The following CA10 variants were observed in gnomAD, a reference collection of about 807,000 sequenced individuals.
The protein encoded by CA10 is carbonic anhydrase 10 (inactive).
CA10 carries 14 observed loss-of-function variants against 44.2 expected under a neutral mutation model. The ratio of observed to expected loss-of-function variants is 0.32; its 90% CI spans 0.21 to 0.50. The LOEUF (loss-of-function observed/expected upper bound fraction) is 0.50, where lower values mean the gene tolerates loss of function less well. Ranked by LOEUF, CA10 falls within the 20% of genes least tolerant of loss-of-function variation. CA10 has a pLI of 0.99. For synonymous variants in CA10, 159 were observed against 141.6 expected (o/e 1.12, Z -0.87); for missense variants, 350 against 409.7 (o/e 0.85, Z 1.26).
chr17:52,083,001 C>A (rs756016839), intron 1 of CA10, among the ~76,000 whole-genome samples: 1 of 152,236 alleles, frequency 6.6e-6, no homozygotes, highest in African/African-American at 2.4e-5. Flanking sequence ...CCCAAGAGTA[C>A]AAGTCCATGC....
At chr17:52,054,808 C>T (rs1987179219) in intron 2 of CA10, among the ~76,000 whole-genome samples, 2 of 151,812 alleles carry the variant, frequency 1.3e-5, no homozygotes, top group Admixed American at 1.3e-4. Context: ...GAAAAAAAGG[C>T]ATTAAAGACC....
At chr17:51,926,397 A>T (rs1193011380) in intron 3 of CA10, among the ~76,000 whole-genome samples, 1 of 152,234 alleles carries the variant, frequency 6.6e-6, no homozygotes, top group African/African-American at 2.4e-5. Context: ...TGTGGTTAGT[A>T]AACCAGTATA....
rs142964294 is a variant in CA10 at position 52,133,191 on chromosome 17, C to T, written c.61+24535G>A. On this transcript the variant is annotated intron_variant, in intron 1 of 8. Transcript: ENST00000451037. ...GGAACAGGTGACTGACCTTGGGGAA[C>T]GAAAGCCAAGCTGCCATTCATCACA... Among the ~76,000 whole-genome samples, 517 of 152,256 alleles carry T rather than the reference C, an allele frequency of 3.4e-3. 2 individuals are homozygous for T. The highest frequency in any genetic ancestry group is 0.012 in the African/African-American group (485 of 41,560).
At chr17:51,785,721 T>C (rs768338405) in intron 3 of CA10, among the ~76,000 whole-genome samples, 13 of 152,222 alleles carry the variant, frequency 8.5e-5, no homozygotes, top group Non-Finnish European at 2.9e-5. Context: ...AGTAGTATAA[T>C]TTGATGTTAG....
chr17:51,911,134 T>C (rs1052413553), intron 3 of CA10, among the ~76,000 whole-genome samples: 1 of 152,130 alleles, frequency 6.6e-6, no homozygotes, highest in Non-Finnish European at 1.5e-5. Context: ...GCTTTTAATC[T>C]CAGTCAAGAG....
At chr17:52,070,662 G>A (rs1156463584) in intron 2 of CA10, 2 of 152,130 alleles carry the variant, frequency 1.3e-5, no homozygotes, top group African/African-American at 2.4e-5. Context: ...TGAGAGTGAG[G>A]AAAAGTTATT....
At chr17:51,920,691 A>T (rs1982195400) in intron 3 of CA10, among the ~76,000 whole-genome samples, 1 of 152,188 alleles carries the variant, frequency 6.6e-6, no homozygotes, top group Non-Finnish European at 1.5e-5. Context: ...CTCAGCCAAG[A>T]TCTAAACTCA....
rs1268095043 is a variant in CA10 at position 51,717,827 on chromosome 17, G to GTATA, written c.465+29805_465+29806insTATA. Reference sequence around the variant, plus strand: ...TATATATACACGTATATATATGTGTGTGTATATATATATATATATATATAT... The same window carrying GTATA: ...TATATATACACGTATATATATGTGTGTATATGTATATATATATATATATATATAT... On this transcript the variant is annotated intron_variant, in intron 4 of 8. Coordinates refer to ENST00000451037, the MANE Select transcript of CA10 (RefSeq NM_020178.5). Among the ~76,000 whole-genome samples, 31 of 10,336 alleles carry GTATA rather than the reference G, an allele frequency of 3.0e-3. 1 individual carries two copies. Among genetic ancestry groups the GTATA allele is most frequent in the African/African-American group, 0.01 (30 of 2,866 alleles). 6.8% of individuals were successfully genotyped at this position (10,336 alleles called of 152,430 possible).
chr17:51,755,479 G>A (rs1263306142), intron 3 of CA10, among the ~76,000 whole-genome samples: 1 of 152,168 alleles, frequency 6.6e-6, no homozygotes, highest in African/African-American at 2.4e-5. Context: ...GATTATGTGA[G>A]GTTTCCGATA....
At chr17:51,913,747 G>C (rs865936837) in intron 3 of CA10, among the ~76,000 whole-genome samples, 3 of 152,236 alleles carry the variant, frequency 2.0e-5, no homozygotes, top group Non-Finnish European at 4.4e-5. Context: ...GCTGGGGTAA[G>C]CTGGCAGCAA....
At chr17:51,731,439 T>C (rs1232548509) in intron 4 of CA10, among the ~76,000 whole-genome samples, 3 of 152,074 alleles carry the variant, frequency 2.0e-5, no homozygotes, top group Non-Finnish European at 2.9e-5. Flanking sequence ...TAAACAATTC[T>C]TTTTGCTCTG....
chr17:51,849,233 G>GTATATATA lies in CA10; in HGVS notation c.279+81749_279+81756dup, dbSNP rs1217693250. 8.6e-3 allele frequency among the ~76,000 whole-genome samples: 343 copies of GTATATATA among 39,734 alleles called. 4 individuals carry two copies. Among genetic ancestry groups the GTATATATA allele is most frequent in the South Asian group, 0.013 (14 of 1,062 alleles). The allele number at this position is 39,734 out of a possible 152,430, so 26.1% of individuals were successfully genotyped here. ...TATATATATATACATATATGTGTGT[G>GTATATATA]TATATATATATATATATATATATAT... On this transcript the variant is annotated intron_variant, in intron 3 of 8. Coordinates refer to ENST00000451037, the MANE Select transcript of CA10 (RefSeq NM_020178.5).
chr17:51,864,940 G>A (rs1979477014), intron 3 of CA10, among the ~76,000 whole-genome samples: 2 of 152,140 alleles, frequency 1.3e-5, no homozygotes, highest in South Asian at 4.2e-4. Flanking sequence ...CAATTATTGA[G>A]TGCCTTGTAT....
chr17:51,763,378 T>C (rs1251194320), intron 3 of CA10: 4 of 152,192 alleles, frequency 2.6e-5, no homozygotes, highest in African/African-American at 9.7e-5. Context: ...GAACCTTCCA[T>C]CTCATCCATG....
intron 1 of CA10, among the ~76,000 whole-genome samples, chr17:52,147,491 T>TA (rs369637225): frequency 0.016 from 2,093 of 131,860 alleles, 28 homozygotes; most frequent in Middle Eastern, 0.061. Flanking sequence ...AAAGCAGATT[T>TA]AAAAAAAAAA....
At chr17:51,668,839 G>A (rs756761) in intron 4 of CA10, among the ~76,000 whole-genome samples, 98,577 of 152,022 alleles carry the variant, frequency 0.65, 32,219 homozygotes, top group Middle Eastern at 0.68. Context: ...CTGGGTGGGC[G>A]TGGGCTCAGC....
intron 4 of CA10, among the ~76,000 whole-genome samples, chr17:51,708,186 A>T (rs1915819163): frequency 6.6e-6 from 1 of 152,200 alleles, no homozygotes; most frequent in Non-Finnish European, 1.5e-5. Flanking sequence ...AAGGAGGCAG[A>T]GCGAATAGAG....
chr17:51,876,290 T>C (rs189016122), intron 3 of CA10, among the ~76,000 whole-genome samples: 4 of 150,726 alleles, frequency 2.7e-5, no homozygotes, highest in Admixed American at 1.3e-4. Context: ...CCTCGGCCTC[T>C]TGAGTAGCTG....
At chr17:51,654,215 G>C (rs1025979911) in intron 4 of CA10, among the ~76,000 whole-genome samples, 1 of 152,232 alleles carries the variant, frequency 6.6e-6, no homozygotes, top group Non-Finnish European at 1.5e-5. Flanking sequence ...CAGCCTGCAA[G>C]ATGCAGTAGT....
Sources: gnomAD v4.1 joint callset for allele counts (sites outside exome capture counted in the v4.1 genomes callset) on GRCh38, gnomAD v4.1.1 for gene constraint, MANE v1.5 for transcripts, NCBI Gene and HGNC (gene_info 2026-07-23, HGNC 2026-07-21) for gene names.